Variants in ATAD1 observed in about 807,000 individuals in gnomAD.
ATAD1 encodes the protein outer mitochondrial transmembrane helix translocase.
ATAD1 carries 18 observed loss-of-function variants against 42.7 expected under a neutral mutation model. That is an observed-to-expected ratio of 0.42 (90% CI 0.29 to 0.63). The LOEUF is 0.63. Among genes scored for constraint, ATAD1 ranks in the 20% least tolerant of loss-of-function variants. The probability of loss-of-function intolerance (pLI) is 0.19; values close to 1 mark genes in which losing one functional copy is unlikely to be tolerated. For missense variants in ATAD1, 294 were observed against 440.4 expected, an observed-to-expected ratio of 0.67 and a Z score of 2.98; for synonymous variants, 132 against 143.1, an observed-to-expected ratio of 0.92 and a Z score of 0.55.
intron 1 of ATAD1, among the ~76,000 whole-genome samples, chr10:87,834,955 CAT>C (rs1318223739): frequency 6.6e-6 from 1 of 151,952 alleles, no homozygotes; most frequent in Non-Finnish European, 1.5e-5. Flanking sequence ...CACAAATTTT[CAT>C]ATGTTGTGTT....
intron 5 of ATAD1, among the ~76,000 whole-genome samples, chr10:87,784,158 T>A (rs1005439875): frequency 6.6e-6 from 1 of 152,152 alleles, no homozygotes; most frequent in Non-Finnish European, 1.5e-5. Context: ...GATAGATATA[T>A]CACACAACCA....
chr10:87,768,123 CT>C (rs1174399873), intron 7 of ATAD1, among the ~76,000 whole-genome samples: 6 of 152,058 alleles, frequency 3.9e-5, no homozygotes, highest in African/African-American at 1.4e-4. Context: ...GCAACAGTAA[CT>C]TCTCAGTTCC....
intron 6 of ATAD1, among the ~76,000 whole-genome samples, chr10:87,772,525 T>C (rs956049375): frequency 1.3e-5 from 2 of 151,964 alleles, no homozygotes; most frequent in African/African-American, 2.4e-5. Context: ...CATAAGATAA[T>C]GAATGAGTAT....
intron 6 of ATAD1, among the ~76,000 whole-genome samples, chr10:87,775,420 CAAAAA>C: frequency 4.2e-5 from 1 of 24,054 alleles, no homozygotes; most frequent in African/African-American, 1.3e-4. Flanking sequence ...GACTCCATCT[CAAAAA>C]AAAAAAAAAA....
chr10:87,778,194 A>C (rs1324768387), intron 5 of ATAD1, among the ~76,000 whole-genome samples: 7 of 150,428 alleles, frequency 4.7e-5, no homozygotes, highest in East Asian at 1.9e-4. Flanking sequence ...AAAAAAAAAA[A>C]AAAAAACTCA....
chr10:87,838,733 A>C (rs1857973539), intron 1 of ATAD1, among the ~76,000 whole-genome samples: 1 of 150,146 alleles, frequency 6.7e-6, no homozygotes, highest in Non-Finnish European at 1.5e-5. Context: ...GAGCTCATTC[A>C]TATTCTCTCT....
At chr10:87,814,840 GATTT>G in intron 1 of ATAD1, 1 of 272,924 alleles carries the variant, frequency 3.7e-6, no homozygotes, top group East Asian at 6.7e-5. Flanking sequence ...TAGAAATTAA[GATTT>G]ATTTGGTAGT....
At chr10:87,825,983 A>G (rs1320780758) in intron 1 of ATAD1, among the ~76,000 whole-genome samples, 5 of 152,168 alleles carry the variant, frequency 3.3e-5, no homozygotes, top group Admixed American at 1.3e-4. Context: ...CACTGAATGC[A>G]CTTCTTCCAA....
chr10:87,785,842 A>G (rs548058020), intron 4 of ATAD1, among the ~76,000 whole-genome samples: 4 of 152,240 alleles, frequency 2.6e-5, no homozygotes, highest in Middle Eastern at 3.4e-3. Context: ...AGAATTTTCT[A>G]CTGGTCTTTA....
intron 1 of ATAD1, among the ~76,000 whole-genome samples, chr10:87,829,728 A>C (rs187078472): frequency 1.7e-4 from 26 of 152,298 alleles, no homozygotes; most frequent in African/African-American, 6.0e-4. Context: ...AGAGAACTAA[A>C]ATTAGAAGTG....
rs1185432646 is a variant in ATAD1, at chr10:87,784,470, C to A, written c.583G>T (p.Asp195Tyr). 1.2e-6 allele frequency: 2 copies of A among 1,612,140 alleles called. No individual in the cohort carries two copies. The highest frequency in any genetic ancestry group is 1.1e-5 in the South Asian group (1 of 90,836). ...TACTCATATAGAAAACATAGCATAC[C>A]TATTTCATCTATAAAGATGATGGAT... ...QPSIIFIDEI[D>Y]SFLRNRSSSD... The change falls in exon 5 of 10, where the codon GAC becomes TAC. Residue 195 changes from aspartate to tyrosine, a missense_variant and splice_region_variant. This residue lies in a region of ATAD1 where 31 missense variants were observed against 78.6 expected (regional missense o/e 0.39). Coordinates refer to ENST00000680024, the MANE Select transcript of ATAD1 (RefSeq NM_001321967.2).
chr10:87,829,808 G>A (rs554004410), intron 1 of ATAD1, among the ~76,000 whole-genome samples: 1 of 151,432 alleles, frequency 6.6e-6, no homozygotes, highest in East Asian at 2.0e-4. Context: ...TTATGAATGA[G>A]CAAAGAAAGT....
intron 1 of ATAD1, among the ~76,000 whole-genome samples, chr10:87,839,483 A>G (rs969997174): frequency 1.3e-5 from 2 of 152,232 alleles, no homozygotes; most frequent in Admixed American, 6.5e-5. Flanking sequence ...TCTTCTGCAG[A>G]TAGTAGTTTT....
rs567973402 is a variant in ATAD1 at position 87,798,625 on chromosome 10, G to GT, written c.163-5871_163-5870insA. ...AAGTTCCAAAGTAAAAGCTATAGGG[G>GT]GTGTGTGTGTGTGTGTGTGTGTGTG... On this transcript the variant is annotated intron_variant, in intron 2 of 9. Coordinates refer to ENST00000680024, the MANE Select transcript of ATAD1 (RefSeq NM_001321967.2). Among the ~76,000 whole-genome samples the GT allele has an allele frequency of 8.2e-4, 103 of 124,934 alleles. 3 individuals carry two copies. Among genetic ancestry groups the GT allele is most frequent in the Middle Eastern group, 4.1e-3 (1 of 246 alleles). 82.0% of individuals were successfully genotyped at this position (124,934 alleles called of 152,430 possible). A position where few individuals can be genotyped will look rare whatever the true frequency, so the allele number is the denominator to read the frequency against.
intron 1 of ATAD1, among the ~76,000 whole-genome samples, chr10:87,836,611 T>C (rs1471462515): frequency 6.6e-6 from 1 of 152,222 alleles, no homozygotes; most frequent in Non-Finnish European, 1.5e-5. Context: ...CAAGAATTTT[T>C]CTTGTTTCAG....
chr10:87,773,656 T>C (rs996031215), intron 6 of ATAD1, among the ~76,000 whole-genome samples: 2 of 152,164 alleles, frequency 1.3e-5, no homozygotes, highest in African/African-American at 4.8e-5. Flanking sequence ...ATTAGTGCAA[T>C]AAGGAATTTT....
intron 3 of ATAD1, among the ~76,000 whole-genome samples, chr10:87,791,498 G>A (rs78097918): frequency 0.026 from 3,916 of 151,998 alleles, 70 homozygotes; most frequent in Non-Finnish European, 0.044. Context: ...AAAAAACTAA[G>A]TCTGTTAGTA....
intron 4 of ATAD1, among the ~76,000 whole-genome samples, chr10:87,786,475 C>CA (rs1855838609): frequency 6.6e-6 from 1 of 152,102 alleles, no homozygotes. Flanking sequence ...TCAAGGATTA[C>CA]AATTAGTGTT....
chr10:87,811,269 G>C (rs1282036110), intron 2 of ATAD1, among the ~76,000 whole-genome samples: 1 of 151,734 alleles, frequency 6.6e-6, no homozygotes, highest in African/African-American at 2.4e-5. Flanking sequence ...GAAGAAGCAG[G>C]GTACAGCGAG....
Sources: gnomAD v4.1 joint callset for allele counts (sites outside exome capture counted in the v4.1 genomes callset) on GRCh38, gnomAD v4.1.1 for gene constraint, gnomAD v4.1.1 regional missense constraint, MANE v1.5 for transcripts, NCBI Gene and HGNC (gene_info 2026-07-23, HGNC 2026-07-21) for gene names.